The following TMPRSS15 variants were observed in gnomAD, a reference collection of about 807,000 sequenced individuals.
TMPRSS15 encodes enteropeptidase.
TMPRSS15 carries 128 observed loss-of-function variants against 125.3 expected under a neutral mutation model. The observed-to-expected ratio is 1.02, with a 90% CI of 0.89 to 1.18. TMPRSS15 has a LOEUF of 1.18. Ranked by LOEUF, TMPRSS15 falls within the 50% of genes most tolerant of loss-of-function variation. The probability of loss-of-function intolerance (pLI) is 0.00; values close to 1 mark genes in which losing one functional copy is unlikely to be tolerated. For synonymous variants in TMPRSS15, 446 were observed against 423.2 expected, an observed-to-expected ratio of 1.05 and a Z score of -0.66; for missense variants, 1,283 against 1,212.7, an observed-to-expected ratio of 1.06 and a Z score of -0.86.
intron 7 of TMPRSS15, among the ~76,000 whole-genome samples, chr21:18,363,410 CAGA>C (rs1469141247): frequency 1.3e-5 from 2 of 152,056 alleles, no homozygotes; most frequent in African/African-American, 4.8e-5. Flanking sequence ...ATCATTACAG[CAGA>C]AGTTTATTGT....
intron 5 of TMPRSS15, among the ~76,000 whole-genome samples, chr21:18,375,556 T>C (rs1280642077): frequency 1.3e-5 from 2 of 152,210 alleles, no homozygotes; most frequent in Non-Finnish European, 2.9e-5. Flanking sequence ...GTTTCATTTA[T>C]TAAAAGCTAA....
intron 1 of TMPRSS15, among the ~76,000 whole-genome samples, chr21:18,476,868 C>T (rs1430817891): frequency 1.3e-5 from 2 of 151,260 alleles, no homozygotes; most frequent in Non-Finnish European, 2.9e-5. Flanking sequence ...CAGGGCTGGT[C>T]AGTGCAGTGA....
chr21:18,477,899 T>A (rs1348761488), intron 1 of TMPRSS15, among the ~76,000 whole-genome samples: 1 of 152,050 alleles, frequency 6.6e-6, no homozygotes, highest in Non-Finnish European at 1.5e-5. Flanking sequence ...ATCCTGTGTT[T>A]AAAAATGTGG....
intron 21 of TMPRSS15, among the ~76,000 whole-genome samples, chr21:18,282,759 GGCGCT>G (rs973293595): frequency 1.8e-4 from 27 of 152,216 alleles, no homozygotes; most frequent in African/African-American, 6.0e-4. Context: ...GAACAAACTA[GGCGCT>G]GATTATCTAA....
At chr21:18,304,642 G>C (rs2075010367) in intron 18 of TMPRSS15, among the ~76,000 whole-genome samples, 1 of 152,074 alleles carries the variant, frequency 6.6e-6, no homozygotes, top group South Asian at 2.1e-4. Context: ...ATGAACTGCA[G>C]ATATATTCAT....
intron 12 of TMPRSS15, among the ~76,000 whole-genome samples, chr21:18,342,219 A>T (rs2075454278): frequency 6.6e-6 from 1 of 152,220 alleles, no homozygotes; most frequent in Admixed American, 6.5e-5. Flanking sequence ...ATCCTGTGCT[A>T]TGTAGAAGAG....
chr21:18,316,041 A>AT (rs1312274872), intron 16 of TMPRSS15, among the ~76,000 whole-genome samples: 4 of 150,074 alleles, frequency 2.7e-5, no homozygotes, highest in African/African-American at 9.8e-5. Flanking sequence ...ATATATATAT[A>AT]AAATAATAAA....
intron 23 of TMPRSS15, 45 bp from the exon 24 acceptor site, chr21:18,275,381 C>T (rs1432880560): frequency 6.2e-7 from 1 of 1,610,938 alleles, no homozygotes; most frequent in Non-Finnish European, 8.5e-7. Context: ...AAGTGATCAA[C>T]ATGCATCCTT....
chr21:18,282,784 G>A (rs1039200852), intron 21 of TMPRSS15, among the ~76,000 whole-genome samples: 1 of 152,166 alleles, frequency 6.6e-6, no homozygotes, highest in Non-Finnish European at 1.5e-5. Flanking sequence ...AATGGTAGGA[G>A]GTGACTTTAA....
chr21:18,334,795 T>C (rs2075375893), intron 13 of TMPRSS15, among the ~76,000 whole-genome samples: 1 of 152,222 alleles, frequency 6.6e-6, no homozygotes, highest in South Asian at 2.1e-4. Flanking sequence ...GATTAAACTT[T>C]GGATAATTTC....
At chr21:18,397,852 A>T in intron 3 of TMPRSS15, 27 bp downstream of exon 3, 2 of 1,293,348 alleles carry the variant, frequency 1.5e-6, no homozygotes, top group Non-Finnish European at 2.2e-6. Flanking sequence ...ATTTTCCATC[A>T]GTAGAAAATT....
chr21:18,411,422 G>A lies in TMPRSS15; in HGVS notation c.11-13093C>T, dbSNP rs143145370. Among the ~76,000 whole-genome samples, 257 of 151,690 alleles carry A rather than the reference G, an allele frequency of 1.7e-3. 6 individuals are homozygous for A. The East Asian group carries it at 0.045, about 26-fold the overall frequency. ...ATCACTTTCCTTTCTACAATTTTAT[G>A]ACTTCATGATTTTTATGGTTCCTTC... On this transcript the variant is annotated intron_variant, in intron 1 of 7. Coordinates refer to the TMPRSS15 transcript ENST00000422787.
intron 23 of TMPRSS15, among the ~76,000 whole-genome samples, chr21:18,277,801 T>A (rs1054710625): frequency 6.6e-6 from 1 of 152,200 alleles, no homozygotes; most frequent in Non-Finnish European, 1.5e-5. Flanking sequence ...ACTGCAGGGA[T>A]CAGGTTCTCT....
At chr21:18,352,541 C>T (rs2075580404) in intron 10 of TMPRSS15, among the ~76,000 whole-genome samples, 2 of 151,986 alleles carry the variant, frequency 1.3e-5, no homozygotes, top group South Asian at 4.1e-4. Flanking sequence ...AATGTACAAT[C>T]AGAAAACGAA....
At chr21:18,430,567 C>T (rs578157725) in intron 1 of TMPRSS15, among the ~76,000 whole-genome samples, 44 of 152,112 alleles carry the variant, frequency 2.9e-4, no homozygotes, top group African/African-American at 9.4e-4. Flanking sequence ...ACTTCTTTGA[C>T]GAAATCATCA....
At chr21:18,416,967 A>G (rs560240115) in intron 1 of TMPRSS15, among the ~76,000 whole-genome samples, 2 of 152,242 alleles carry the variant, frequency 1.3e-5, no homozygotes, top group East Asian at 1.9e-4. Flanking sequence ...CTTCATAAAG[A>G]TAGTGGTAAA....
Position 18,352,992 on chromosome 21 carries a change from T to C in TMPRSS15, c.1082A>G (p.Asn361Ser). The C allele has an allele frequency of 1.2e-6, 2 of 1,611,958 alleles. No homozygotes were observed. The highest frequency in any genetic ancestry group is 1.7e-6 in the Non-Finnish European group (2 of 1,178,872). The change falls in exon 10 of 25, where the codon AAT becomes AGT. Residue 361 changes from asparagine to serine, a missense_variant. Physicochemically the swap from Asn to Ser is conservative, Grantham distance 46. Coordinates refer to ENST00000284885, the MANE Select transcript of TMPRSS15 (RefSeq NM_002772.3). ...AATCCTTTCCCATTCATTATCATCA[T>C]TTAGATCCTGGACCCAGAAACAAAA... ...DGFCFWVQDL[N>S]DDNEWERIQG...
chr21:18,407,902 C>A (rs1211820457), upstream of TMPRSS15, among the ~76,000 whole-genome samples: 2 of 152,154 alleles, frequency 1.3e-5, no homozygotes, highest in Non-Finnish European at 1.5e-5. Flanking sequence ...AGATCACTAA[C>A]TTAAAGAAAA....
chr21:18,413,302 T>TC, intron 1 of TMPRSS15, among the ~76,000 whole-genome samples: 3 of 122,112 alleles, frequency 2.5e-5, no homozygotes, highest in Admixed American at 8.9e-5. Context: ...CTTTTCTTTC[T>TC]TTTCTTTCTT....
Sources: allele counts gnomAD v4.1 joint callset (sites outside exome capture counted in the v4.1 genomes callset), GRCh38; gene constraint gnomAD v4.1.1; transcripts MANE v1.5; gene names NCBI Gene and HGNC (gene_info 2026-07-23, HGNC 2026-07-21).